ANK3: variants seen among roughly 807,000 people sequenced by gnomAD.
ANK3 encodes ankyrin 3.
A neutral mutation model predicts 370.9 loss-of-function variants in ANK3; 57 were observed. That is an observed-to-expected ratio of 0.15 (90% CI 0.12 to 0.19). The LOEUF (loss-of-function observed/expected upper bound fraction) is 0.19, where lower values mean the gene tolerates loss of function less well. Among genes scored for constraint, ANK3 ranks in the 10% least tolerant of loss-of-function variants. ANK3 has a pLI of 1.00. For synonymous variants in ANK3, 1,929 were observed against 1,946.3 expected, an observed-to-expected ratio of 0.99 and a Z score of 0.23; for missense variants, 4,439 against 5,302.1, an observed-to-expected ratio of 0.84 and a Z score of 5.06.
chr10:60,264,691 G>A (rs530115659), intron 5 of ANK3, among the ~76,000 whole-genome samples: 17 of 151,826 alleles, frequency 1.1e-4, no homozygotes, highest in Non-Finnish European at 2.2e-4. Context: ...GTTTTCAAAG[G>A]AGATCATTTA....
At chr10:60,158,547 C>T (rs549416757) in intron 23 of ANK3, among the ~76,000 whole-genome samples, 25 of 152,020 alleles carry the variant, frequency 1.6e-4, no homozygotes, top group East Asian at 1.9e-4. Context: ...GCAATCAGAA[C>T]GAAATTGTCA....
chr10:60,067,391 G>A (rs532331853), intron 38 of ANK3, among the ~76,000 whole-genome samples: 1 of 151,974 alleles, frequency 6.6e-6, no homozygotes, highest in African/African-American at 2.4e-5. Context: ...AAATATTTGG[G>A]CAGAAAAGTG....
At chr10:60,263,353 A>C (rs973253901) in intron 6 of ANK3, among the ~76,000 whole-genome samples, 5 of 152,236 alleles carry the variant, frequency 3.3e-5, no homozygotes, top group African/African-American at 1.2e-4. Flanking sequence ...CGTCACAGAG[A>C]CTTTCAGGTA....
At chr10:60,370,573 T>C (rs2059978040) in intron 1 of ANK3, among the ~76,000 whole-genome samples, 1 of 152,204 alleles carries the variant, frequency 6.6e-6, no homozygotes, top group Non-Finnish European at 1.5e-5. Flanking sequence ...GCGCAGTAAA[T>C]GGGAGAACAC....
At chr10:60,592,555 T>C (rs529796340) in intron 2 of ANK3, among the ~76,000 whole-genome samples, 1 of 152,040 alleles carries the variant, frequency 6.6e-6, no homozygotes, top group Admixed American at 6.6e-5. Context: ...AGGTCAGGAG[T>C]TCGAGACCAG....
intron 9 of ANK3, among the ~76,000 whole-genome samples, chr10:60,210,712 A>G (rs892032623): frequency 3.3e-5 from 5 of 152,174 alleles, no homozygotes; most frequent in Non-Finnish European, 5.9e-5. Context: ...CCATTCCCAC[A>G]CACACAATGG....
At chr10:60,038,035 C>G (rs2075414526) in intron 43 of ANK3, among the ~76,000 whole-genome samples, 1 of 152,200 alleles carries the variant, frequency 6.6e-6, no homozygotes, top group South Asian at 2.1e-4. Context: ...GTGCAATTCT[C>G]TAATGAACAG....
At chr10:60,429,178 G>A (rs2063957945) in intron 2 of ANK3, among the ~76,000 whole-genome samples, 1 of 152,130 alleles carries the variant, frequency 6.6e-6, no homozygotes, top group Admixed American at 6.6e-5. Context: ...AAGTTATGAT[G>A]CTGAATCTCT....
chr10:60,372,434 G>C (rs1332302202), intron 1 of ANK3, among the ~76,000 whole-genome samples: 1 of 140,840 alleles, frequency 7.1e-6, no homozygotes, highest in Non-Finnish European at 1.5e-5. Context: ...AAGAAACAGG[G>C]AGCGTTTAAC....
intron 1 of ANK3, among the ~76,000 whole-genome samples, chr10:60,377,232 T>C (rs969056816): frequency 6.6e-6 from 1 of 152,196 alleles, no homozygotes; most frequent in Non-Finnish European, 1.5e-5. Flanking sequence ...TGAAGCTGTG[T>C]TCCTTTCAGC....
At chr10:60,291,080 A>G (rs773003245) in intron 1 of ANK3, among the ~76,000 whole-genome samples, 5 of 152,130 alleles carry the variant, frequency 3.3e-5, no homozygotes, top group Non-Finnish European at 5.9e-5. Flanking sequence ...ACAAAAACAA[A>G]TATAGAGAAG....
At chr10:60,638,655 T>C (rs969930274) in intron 1 of ANK3, among the ~76,000 whole-genome samples, 1 of 151,516 alleles carries the variant, frequency 6.6e-6, no homozygotes, top group Non-Finnish European at 1.5e-5. Flanking sequence ...TAAAGGAAAA[T>C]ACAACCATAA....
chr10:60,317,548 T>TA (rs1204563287), intron 1 of ANK3, among the ~76,000 whole-genome samples: 10 of 152,100 alleles, frequency 6.6e-5, no homozygotes, highest in Non-Finnish European at 1.2e-4. Context: ...TATCTATTTT[T>TA]AAAAAATCAC....
chr10:60,165,371 G>A (rs1301858815), intron 23 of ANK3, among the ~76,000 whole-genome samples: 1 of 152,078 alleles, frequency 6.6e-6, no homozygotes, highest in African/African-American at 2.4e-5. Context: ...ATCCATTTGG[G>A]GATAGAAGGG....
chr10:60,639,036 T>A (rs188423668), intron 1 of ANK3, among the ~76,000 whole-genome samples: 1 of 151,744 alleles, frequency 6.6e-6, no homozygotes, highest in African/African-American at 2.4e-5. Context: ...AAACCCCAAA[T>A]AGAATAAAAA....
intron 2 of ANK3, among the ~76,000 whole-genome samples, chr10:60,463,794 C>G (rs1278081850): frequency 6.6e-6 from 1 of 150,794 alleles, no homozygotes; most frequent in Non-Finnish European, 1.5e-5. Flanking sequence ...ATTTCATGAA[C>G]AAATATAATA....
intron 2 of ANK3, among the ~76,000 whole-genome samples, chr10:60,552,509 A>G (rs2077110306): frequency 6.6e-6 from 1 of 152,316 alleles, no homozygotes; most frequent in South Asian, 2.1e-4. Context: ...GATCTTGGAC[A>G]CCTTGTGAAT....
rs763194402 is a variant in ANK3 at position 60,080,573 on chromosome 10, G to A, written c.4396C>T (p.Arg1466Cys). The A allele has an allele frequency of 8.2e-6, 13 of 1,594,250 alleles. No individual in the cohort carries two copies. The highest frequency in any genetic ancestry group is 2.3e-5 in the East Asian group (1 of 43,552). ...TCAGTCAAGTAGCTGTAGCGCTTAC[G>A]TAAAGCTAAGGATGCGAAGCTCTGT... The part of the protein sequence containing the change: ...RRQSFASLAL[R>C]KRYSYLTEPG... The change falls in exon 36 of 44, where the codon CGT (arginine) becomes TGT (cysteine). Residue 1466 changes from arginine (R) to cysteine (C), a missense_variant. Coordinates refer to ENST00000280772, the MANE Select transcript of ANK3 (RefSeq NM_020987.5).
At chr10:60,121,069 A>G in intron 25 of ANK3, among the ~76,000 whole-genome samples, 1 of 152,218 alleles carries the variant, frequency 6.6e-6, no homozygotes, top group Non-Finnish European at 1.5e-5. Flanking sequence ...GTGTCCATCA[A>G]CAGATGAATA....
Sources: allele counts gnomAD v4.1 joint callset (sites outside exome capture counted in the v4.1 genomes callset), GRCh38; gene constraint gnomAD v4.1.1; transcripts MANE v1.5; gene names NCBI Gene and HGNC (gene_info 2026-07-23, HGNC 2026-07-21).